Variants in LRRC75A observed in about 807,000 individuals in gnomAD.
LRRC75A encodes the protein leucine rich repeat containing 75A, also known as leucine-rich repeat-containing protein 75A.
LRRC75A carries 12 observed loss-of-function variants against 26.0 expected under a neutral mutation model. The observed-to-expected ratio is 0.46, with a 90% CI of 0.30 to 0.75. LRRC75A has a LOEUF of 0.75. LRRC75A is among the 30% of genes least tolerant of loss of function. LRRC75A has a pLI of 0.08. For missense variants in LRRC75A, 410 were observed against 486.6 expected, an observed-to-expected ratio of 0.84 and a Z score of 1.48; for synonymous variants, 223 against 219.3, an observed-to-expected ratio of 1.02 and a Z score of -0.15.
At chr17:16,485,667 TG>T (rs2093845025) in intron 1 of LRRC75A, among the ~76,000 whole-genome samples, 1 of 121,476 alleles carries the variant, frequency 8.2e-6, no homozygotes, top group Non-Finnish European at 1.7e-5. Flanking sequence ...TGTGTGTGTG[TG>T]TTCGTGTGTG....
At chr17:16,446,373 G>A (rs140452580) in intron 3 of LRRC75A, among the ~76,000 whole-genome samples, 269 of 152,314 alleles carry the variant, frequency 1.8e-3, no homozygotes, top group African/African-American at 6.2e-3. Flanking sequence ...ATACTGTAGC[G>A]TGGGGCTGTG....
chr17:16,447,734 T>G, intron 3 of LRRC75A, 111 bp downstream of exon 3: 1 of 791,278 alleles, frequency 1.3e-6, no homozygotes, highest in Non-Finnish European at 2.0e-6. Context: ...TCAGGCAGCT[T>G]CTATGACCAC....
intron 3 of LRRC75A, chr17:16,447,119 G>C (rs2093592855): frequency 4.6e-6 from 1 of 218,872 alleles, no homozygotes; most frequent in Non-Finnish European, 9.7e-6. Context: ...AAAAAGACAG[G>C]TGTGCTTCCT....
intron 1 of LRRC75A, among the ~76,000 whole-genome samples, chr17:16,490,174 T>G (rs2093854520): frequency 6.6e-6 from 1 of 152,166 alleles, no homozygotes; most frequent in Non-Finnish European, 1.5e-5. Flanking sequence ...CTCCAAGAAG[T>G]GCTTGCCAGC....
At chr17:16,485,631 AGTGTGT>A (rs35125617) in intron 1 of LRRC75A, among the ~76,000 whole-genome samples, 1,385 of 128,478 alleles carry the variant, frequency 0.011, 26 homozygotes, top group African/African-American at 0.033. Flanking sequence ...CAGGACAAGC[AGTGTGT>A]GTGTGTGTGT....
At chr17:16,474,785 G>A (rs1337509495) in intron 1 of LRRC75A, among the ~76,000 whole-genome samples, 2 of 151,850 alleles carry the variant, frequency 1.3e-5, no homozygotes, top group Non-Finnish European at 2.9e-5. Context: ...ACGAGGTCAG[G>A]AGATGAGACC....
intron 1 of LRRC75A, among the ~76,000 whole-genome samples, chr17:16,473,430 G>A (rs1018183381): frequency 6.6e-6 from 1 of 152,114 alleles, no homozygotes; most frequent in African/African-American, 2.4e-5. Context: ...GTCTAAGGTG[G>A]GCATTGCCCG....
intron 2 of LRRC75A, among the ~76,000 whole-genome samples, chr17:16,455,554 T>C (rs906723385): frequency 4.6e-5 from 7 of 152,138 alleles, no homozygotes; most frequent in African/African-American, 1.7e-4. Context: ...TAATTTTTTT[T>C]GTATTTCTAT....
rs1197977706 is a variant in LRRC75A, at chr17:16,491,926, G to T, written c.65C>A (p.Pro22His). 8.0e-7 allele frequency: 1 copy of T among 1,252,760 alleles called. No individual in the cohort carries two copies. The highest frequency in any genetic ancestry group is 4.3e-5 in the Admixed American group (1 of 23,170). 77.6% of individuals were successfully genotyped at this position (1,252,760 alleles called of 1,614,324 possible). The change falls in exon 1 of 4, where the codon CCC (proline) becomes CAC (histidine). Residue 22 changes from proline (P) to histidine (H), a missense_variant. Transcript: ENST00000470794. The surrounding 1 kb of genome is among the most constrained non-coding windows in gnomAD (Gnocchi z 5.9). ...ERASPGAAPG[P>H]RRERPDFWAS... ...CCAGAAGTCCGGCCGTTCGCGTCGG[G>T]GGCCCGGCGCGGCGCCGGGGCTGGC...
chr17:16,465,857 T>C (rs2093764501), intron 1 of LRRC75A, among the ~76,000 whole-genome samples: 1 of 152,060 alleles, frequency 6.6e-6, no homozygotes. Context: ...AAAAGGAGTG[T>C]AGAGGCAGGA....
chr17:16,476,614 G>C (rs1325949247), intron 1 of LRRC75A, among the ~76,000 whole-genome samples: 1 of 151,798 alleles, frequency 6.6e-6, no homozygotes, highest in Non-Finnish European at 1.5e-5. Context: ...ACCCAGGCTG[G>C]AGTGCAGTGG....
intron 1 of LRRC75A, among the ~76,000 whole-genome samples, chr17:16,463,556 C>G (rs1045376888): frequency 2.0e-5 from 3 of 152,140 alleles, no homozygotes; most frequent in African/African-American, 7.2e-5. Flanking sequence ...CACAGCTGCC[C>G]CAGCACAGCC....
In LRRC75A at chr17:16,442,257, T is replaced by C. The variant is rs1227754646; in HGVS notation, c.*1331A>G. On this transcript the variant is annotated 3_prime_UTR_variant, in exon 4 of 4. Coordinates refer to ENST00000470794, the MANE Select transcript of LRRC75A (RefSeq NM_001113567.3). Reference sequence around the variant, plus strand: ...TAGCTTTGTTCCAGCTCCTGCAGCATTGCACCATTCCTAACCACAACCTTA... The same window carrying C: ...TAGCTTTGTTCCAGCTCCTGCAGCACTGCACCATTCCTAACCACAACCTTA... The C allele has an allele frequency of 6.6e-6, 1 of 152,280 alleles. No individual in the cohort carries two copies. The highest frequency in any genetic ancestry group is 1.5e-5 in the Non-Finnish European group (1 of 68,096). 9.4% of individuals were successfully genotyped at this position (152,280 alleles called of 1,614,324 possible).
Position 16,462,390 on chromosome 17 carries a change from C to T in LRRC75A, c.247-4G>A, listed in dbSNP as rs568010372. 6.2e-7 allele frequency: 1 copy of T among 1,613,874 alleles called. No homozygotes were observed. The highest frequency in any genetic ancestry group is 2.2e-5 in the East Asian group (1 of 44,882). On this transcript the variant is annotated splice_region_variant and splice_polypyrimidine_tract_variant and intron_variant, in intron 1 of 3. Coordinates refer to ENST00000470794, the MANE Select transcript of LRRC75A (RefSeq NM_001113567.3). The surrounding 1 kb of genome is among the most constrained non-coding windows in gnomAD (Gnocchi z 4.6). Reference sequence around the variant, plus strand: ...AGGTCGACTCCATGCCCAGGTCCTGCAAGAGCAAAGGATGCCCAGAGGTCA... The same window carrying T: ...AGGTCGACTCCATGCCCAGGTCCTGTAAGAGCAAAGGATGCCCAGAGGTCA...
chr17:16,483,810 G>T (rs1168636443), intron 1 of LRRC75A, among the ~76,000 whole-genome samples: 2 of 152,192 alleles, frequency 1.3e-5, no homozygotes, highest in Non-Finnish European at 2.9e-5. Context: ...CCGGAGGAAG[G>T]GAAACAGCTG....
intron 1 of LRRC75A, among the ~76,000 whole-genome samples, chr17:16,469,746 T>C (rs903959598): frequency 1.3e-5 from 2 of 152,256 alleles, no homozygotes; most frequent in Non-Finnish European, 2.9e-5. Context: ...GGACACTTCC[T>C]GTCCTTGGGT....
intron 1 of LRRC75A, among the ~76,000 whole-genome samples, chr17:16,464,596 C>T (rs1044797185): frequency 3.9e-5 from 6 of 152,218 alleles, no homozygotes; most frequent in Admixed American, 1.3e-4. Flanking sequence ...CTGGAAGGCC[C>T]GTCCTCACCT....
At position 16,485,214 on chromosome 17, in the gene LRRC75A, G is replaced by A. The variant is rs183050267; in HGVS notation, c.246+6531C>T. Among the ~76,000 whole-genome samples, 407 of 152,270 alleles carry A rather than the reference G, an allele frequency of 2.7e-3. 1 individual carries two copies. Among genetic ancestry groups the A allele is most frequent in the Non-Finnish European group, 5.1e-3 (345 of 68,022 alleles). On this transcript the variant is annotated intron_variant, in intron 1 of 3. Transcript: ENST00000470794. Reference sequence around the variant, plus strand: ...ACCTCCATTCCAGTTTCTCTTAATGGGAGAGGATATGACAGTCAGTGCTGA... The same window carrying A: ...ACCTCCATTCCAGTTTCTCTTAATGAGAGAGGATATGACAGTCAGTGCTGA...
At chr17:16,485,669 T>TGTGTGTGTGTGTGTGTGTGTGTGTGTGCG (rs1555893680) in intron 1 of LRRC75A, among the ~76,000 whole-genome samples, 1 of 114,244 alleles carries the variant, frequency 8.8e-6, no homozygotes, top group Non-Finnish European at 1.8e-5. Context: ...TGTGTGTGTG[T>TGTGTGTGTGTGTGTGTGTGTGTGTGTGCG]TCGTGTGTGT....
Sources: allele counts gnomAD v4.1 joint callset (sites outside exome capture counted in the v4.1 genomes callset), GRCh38; gene constraint gnomAD v4.1.1; non-coding constraint Gnocchi (gnomAD v3.1); transcripts MANE v1.5; gene names NCBI Gene and HGNC (gene_info 2026-07-23, HGNC 2026-07-21).